PCDHA3: variants seen among roughly 807,000 people sequenced by gnomAD.
PCDHA3 encodes protocadherin alpha 3, also known as protocadherin alpha-3.
A neutral mutation model predicts 62.2 loss-of-function variants in PCDHA3; 41 were observed. The observed-to-expected ratio is 0.66, with a 90% CI of 0.51 to 0.86. PCDHA3 has a LOEUF of 0.86. Ranked by LOEUF, PCDHA3 falls within the 40% of genes least tolerant of loss-of-function variation. The pLI is 0.00. For missense variants in PCDHA3, 1,304 were observed against 1,241.2 expected, an observed-to-expected ratio of 1.05 and a Z score of -0.76; for synonymous variants, 640 against 555.4, an observed-to-expected ratio of 1.15 and a Z score of -2.14.
In PCDHA3 at chr5:140,841,685, G is replaced by A. The variant is rs1332759626; in HGVS notation, c.2394+38094G>A. ...GCTGCAGGTTTTCCATGTGGACGTG[G>A]AGGTGAAGGATGTTAATGACAACCC... On this transcript the variant is annotated intron_variant, in intron 1 of 3. Transcript: ENST00000522353. 1.9e-6 allele frequency: 3 copies of A among 1,613,960 alleles called. No individual in the cohort carries two copies. The Admixed American group carries it at 5.0e-5, about 27-fold the overall frequency.
intron 1 of PCDHA3, among the ~76,000 whole-genome samples, chr5:140,886,194 AAT>A (rs775586198): frequency 9.9e-5 from 15 of 152,172 alleles, no homozygotes; most frequent in Non-Finnish European, 1.9e-4. Context: ...GGCAAGCAGT[AAT>A]CTGTTCTCCA....
In PCDHA3 at chr5:140,802,194, C is replaced by G; in HGVS notation, c.997C>G (p.His333Asp). 6.2e-7 allele frequency: 1 copy of G among 1,614,226 alleles called. No individual in the cohort carries two copies. The highest frequency in any genetic ancestry group is 8.5e-7 in the Non-Finnish European group (1 of 1,180,040). Residue 333 changes from histidine (H) to aspartate (D), a missense_variant, in exon 1 of 4, where the codon CAC becomes GAC. By Grantham distance (81) the His-to-Asp change is moderately conservative. Transcript: ENST00000522353. ...TAAAGGAAATCCCCCAATGTCAGAT[C>G]ACTGCACAGTTCTACTCGAAATTGT... is the stretch of plus-strand genomic sequence containing the variant. ...TDKGNPPMSD[H>D]CTVLLEIVDI...
chr5:140,941,214 C>CTTTCT (rs1554214039), intron 1 of PCDHA3, among the ~76,000 whole-genome samples: 174 of 122,492 alleles, frequency 1.4e-3, no homozygotes, highest in African/African-American at 5.3e-3. Flanking sequence ...TTTCTTTCTT[C>CTTTCT]CTTTCTTTCT....
chr5:140,863,884 C>T (rs1388458800), intron 1 of PCDHA3: 1 of 167,076 alleles, frequency 6.0e-6, no homozygotes, highest in Non-Finnish European at 1.3e-5. Flanking sequence ...ACCTGTAATC[C>T]CAGCTACTCA....
intron 1 of PCDHA3, among the ~76,000 whole-genome samples, chr5:140,874,556 C>T (rs1194980368): frequency 3.3e-5 from 5 of 152,178 alleles, no homozygotes; most frequent in African/African-American, 4.8e-5. Flanking sequence ...AGAGATCTTT[C>T]GCATTTTAGT....
intron 3 of PCDHA3, among the ~76,000 whole-genome samples, chr5:140,985,631 T>C (rs551279134): frequency 1.2e-4 from 18 of 152,250 alleles, no homozygotes; most frequent in Admixed American, 1.2e-3. Flanking sequence ...GTATTGCTCT[T>C]CTCATCCCAA....
At chr5:140,996,190 C>T (rs2097716017) in intron 3 of PCDHA3, among the ~76,000 whole-genome samples, 1 of 152,200 alleles carries the variant, frequency 6.6e-6, no homozygotes, top group African/African-American at 2.4e-5. Flanking sequence ...CCATTTTATA[C>T]CCTCAATGCA....
chr5:140,927,453 G>T, intron 1 of PCDHA3: 3 of 1,614,168 alleles, frequency 1.9e-6, no homozygotes, highest in Non-Finnish European at 2.5e-6. Context: ...AGTTGGTGTT[G>T]GAGAAAGCAC....
intron 1 of PCDHA3, among the ~76,000 whole-genome samples, chr5:140,963,688 G>A (rs185853589): frequency 5.9e-5 from 9 of 152,274 alleles, no homozygotes; most frequent in Admixed American, 5.9e-4. Context: ...GTTTATCCGT[G>A]TTTGATATCT....
intron 1 of PCDHA3, chr5:140,967,210 C>T (rs146322183): frequency 1.4e-4 from 231 of 1,613,674 alleles, no homozygotes; most frequent in Admixed American, 5.0e-4. Flanking sequence ...CACCGCGTTT[C>T]CCGCGGCCCA....
intron 1 of PCDHA3, chr5:140,871,484 A>T: frequency 6.3e-7 from 1 of 1,592,270 alleles, no homozygotes; most frequent in Non-Finnish European, 8.6e-7. Context: ...GGGTCAAATC[A>T]CCCCGGACAG....
At chr5:140,966,802 G>A in intron 1 of PCDHA3, 4 of 1,542,100 alleles carry the variant, frequency 2.6e-6, no homozygotes, top group Non-Finnish European at 2.6e-6. Context: ...CGGCGACAGA[G>A]CATCCACGGC....
At chr5:140,922,336 A>G (rs1554200779) in intron 1 of PCDHA3, among the ~76,000 whole-genome samples, 2 of 152,226 alleles carry the variant, frequency 1.3e-5, no homozygotes, top group African/African-American at 4.8e-5. Context: ...GGGTTGGTAT[A>G]TTGGTATTTT....
intron 1 of PCDHA3, chr5:140,823,537 C>T: frequency 6.2e-7 from 1 of 1,613,812 alleles, no homozygotes; most frequent in Non-Finnish European, 8.5e-7. Context: ...GGGTGCGGGC[C>T]ACGTGGTGGC....
chr5:140,887,101 C>CT (rs200717289), intron 1 of PCDHA3, among the ~76,000 whole-genome samples: 1,545 of 145,196 alleles, frequency 0.011, 15 homozygotes, highest in African/African-American at 0.022. Flanking sequence ...ATCTTTATCT[C>CT]TTTTTTTTTT....
intron 1 of PCDHA3, chr5:140,882,822 G>A (rs782258212): frequency 6.2e-7 from 1 of 1,614,080 alleles, no homozygotes; most frequent in African/African-American, 1.3e-5. Flanking sequence ...GCACAAAACA[G>A]TCTTGAGCAA....
At chr5:140,891,136 G>A (rs541876133) in intron 1 of PCDHA3, among the ~76,000 whole-genome samples, 1 of 152,068 alleles carries the variant, frequency 6.6e-6, no homozygotes, top group Non-Finnish European at 1.5e-5. Context: ...TTCCTTTAAA[G>A]GTATTCTGTT....
chr5:140,877,561 A>G (rs1582392588), intron 1 of PCDHA3: 1 of 1,613,748 alleles, frequency 6.2e-7, no homozygotes. Flanking sequence ...GGTGGATATT[A>G]ACGTGTACCT....
chr5:140,883,171 A>G, intron 1 of PCDHA3: 7 of 1,614,008 alleles, frequency 4.3e-6, no homozygotes, highest in Non-Finnish European at 5.9e-6. Flanking sequence ...ACAATGGAGA[A>G]ATTAGGACAA....
Sources: gnomAD v4.1 joint callset for allele counts (sites outside exome capture counted in the v4.1 genomes callset) on GRCh38, gnomAD v4.1.1 for gene constraint, MANE v1.5 for transcripts, NCBI Gene and HGNC (gene_info 2026-07-23, HGNC 2026-07-21) for gene names.